SCUBE2: variants seen among roughly 807,000 people sequenced by gnomAD.
SCUBE2 encodes signal peptide, CUB domain and EGF like domain containing 2.
A neutral mutation model predicts 125.9 loss-of-function variants in SCUBE2; 114 were observed. The ratio of observed to expected loss-of-function variants is 0.91; its 90% CI spans 0.78 to 1.06. The LOEUF (loss-of-function observed/expected upper bound fraction) is 1.06. Ranked by LOEUF, SCUBE2 falls within the 50% of genes least tolerant of loss-of-function variation. SCUBE2 has a pLI of 0.00. For missense variants in SCUBE2, 1,255 were observed against 1,301.8 expected (o/e 0.96, Z 0.55); for synonymous variants, 459 against 492.9 (o/e 0.93, Z 0.91).
At chr11:9,060,205 A>G (rs898468446) in intron 8 of SCUBE2, among the ~76,000 whole-genome samples, 2 of 152,236 alleles carry the variant, frequency 1.3e-5, no homozygotes, top group African/African-American at 4.8e-5. Flanking sequence ...AATTAGTGTA[A>G]TTAAGTGTTG....
At chr11:9,050,562 C>T (rs1858247364) in intron 14 of SCUBE2, 44 bp downstream of exon 14, 1 of 1,505,158 alleles carries the variant, frequency 6.6e-7, no homozygotes, top group Non-Finnish European at 9.2e-7. Flanking sequence ...AGGCCCCTTC[C>T]CACATGCAGG....
chr11:9,053,052 C>A (rs1371624824), intron 12 of SCUBE2, 47 bp downstream of exon 12: 20 of 1,489,308 alleles, frequency 1.3e-5, no homozygotes. Flanking sequence ...GCCAGAGAGG[C>A]CTGGCCCCAG....
rs35366074 is a variant in SCUBE2, at chr11:9,084,529, GA to G, written c.257-5021del. On this transcript the variant is annotated intron_variant, in intron 2 of 22. Transcript: ENST00000649792. ...TAAGAAATGTATCTATTGCAAAGGG[GA>G]AAAAAAAATATATAGTAATTTTGTA... Among the ~76,000 whole-genome samples, 1,124 of 150,868 alleles carry G rather than the reference GA, an allele frequency of 7.5e-3. 19 individuals are homozygous for G. The highest frequency in any genetic ancestry group is 0.025 in the African/African-American group (1,037 of 41,114).
At chr11:9,062,351 AC>A (rs1417518544) in intron 7 of SCUBE2, among the ~76,000 whole-genome samples, 4 of 152,210 alleles carry the variant, frequency 2.6e-5, no homozygotes, top group Admixed American at 1.3e-4. Context: ...GGCTAAATTG[AC>A]CTGCCCAAGC....
At chr11:9,041,750 A>G (rs1857266022) in intron 16 of SCUBE2, among the ~76,000 whole-genome samples, 1 of 152,192 alleles carries the variant, frequency 6.6e-6, no homozygotes. Context: ...TTCTACACAG[A>G]ATGGGGGACA....
chr11:9,040,851 A>G (rs1295126548), intron 16 of SCUBE2, among the ~76,000 whole-genome samples: 1 of 152,210 alleles, frequency 6.6e-6, no homozygotes, highest in African/African-American at 2.4e-5. Flanking sequence ...CAAATTGTTT[A>G]TTTCTGGAAT....
At chr11:9,021,812 T>G in intron 22 of SCUBE2, 64 bp downstream of exon 22, 1 of 1,261,680 alleles carries the variant, frequency 7.9e-7, no homozygotes, top group Non-Finnish European at 1.2e-6. Flanking sequence ...AGGAGAAGCC[T>G]TCTCCAACAG....
Position 9,085,379 on chromosome 11 carries a change from T to C in SCUBE2, c.256+4328A>G, listed in dbSNP as rs534968071. ...ATATACACAGATGAACTCTGCACTATTTTTGCAACTTTTCTGAAATTTAAA... is the reference window on the plus strand; with the variant it reads ...ATATACACAGATGAACTCTGCACTACTTTTGCAACTTTTCTGAAATTTAAA... On this transcript the variant is annotated intron_variant, in intron 2 of 22. Transcript: ENST00000649792. Among the ~76,000 whole-genome samples, 350 of 152,330 alleles carry C rather than the reference T, an allele frequency of 2.3e-3. 1 individual carries two copies. Among genetic ancestry groups the C allele is most frequent in the African/African-American group, 8.0e-3 (331 of 41,574 alleles).
At chr11:9,053,816 G>A (rs758908733) in intron 10 of SCUBE2, 57 bp from the exon 11 acceptor site, 51 of 1,582,540 alleles carry the variant, frequency 3.2e-5, no homozygotes, top group Non-Finnish European at 4.3e-5. Flanking sequence ...GGCTGACATG[G>A]TCCCTCCCTT....
chr11:9,084,409 T>TA (rs1861895413), intron 2 of SCUBE2, among the ~76,000 whole-genome samples: 2 of 152,302 alleles, frequency 1.3e-5, no homozygotes, highest in African/African-American at 4.8e-5. Flanking sequence ...CACATCACAG[T>TA]AATAACTATT....
At chr11:9,066,046 C>A (rs1404339927) in intron 6 of SCUBE2, 66 bp from the exon 7 acceptor site, 2 of 1,065,506 alleles carry the variant, frequency 1.9e-6, no homozygotes, top group Non-Finnish European at 2.9e-6. Context: ...CCCCATACAA[C>A]TGTGTTTGCT....
At chr11:9,050,054 T>G (rs1216029823) in intron 14 of SCUBE2, 1 of 152,250 alleles carries the variant, frequency 6.6e-6, no homozygotes, top group Non-Finnish European at 1.5e-5. Context: ...ATACTGGAAA[T>G]GTGTGCTGGG....
At chr11:9,081,503 T>C (rs1418008313) in intron 2 of SCUBE2, among the ~76,000 whole-genome samples, 3 of 152,266 alleles carry the variant, frequency 2.0e-5, no homozygotes, top group East Asian at 1.9e-4. Context: ...GATTCCACCA[T>C]GTTGTAGCAT....
chr11:9,086,852 CAAAAA>C (rs56266805), intron 2 of SCUBE2, among the ~76,000 whole-genome samples: 19 of 109,946 alleles, frequency 1.7e-4, no homozygotes, highest in Non-Finnish European at 1.3e-4. Flanking sequence ...GACTCTATCT[CAAAAA>C]AAAAAAAAAA....
chr11:9,056,393 A>G (rs556695476), intron 9 of SCUBE2, among the ~76,000 whole-genome samples: 2 of 152,310 alleles, frequency 1.3e-5, no homozygotes, highest in South Asian at 4.1e-4. Flanking sequence ...ATTTTCTCAG[A>G]ATTAGTCTTC....
intron 4 of SCUBE2, among the ~76,000 whole-genome samples, chr11:9,071,339 G>A (rs1487267350): frequency 6.6e-6 from 1 of 152,198 alleles, no homozygotes. Context: ...AAGAATGCCT[G>A]TATGCCAGAT....
At chr11:9,051,615 C>T (rs930913440) in intron 13 of SCUBE2, among the ~76,000 whole-genome samples, 1 of 152,240 alleles carries the variant, frequency 6.6e-6, no homozygotes, top group South Asian at 2.1e-4. Flanking sequence ...CAATGCCCTA[C>T]AGCTCTTTTA....
intron 2 of SCUBE2, among the ~76,000 whole-genome samples, chr11:9,085,752 G>A (rs903415733): frequency 9.3e-5 from 14 of 151,176 alleles, no homozygotes; most frequent in African/African-American, 3.4e-4. Flanking sequence ...AAAAAGAAAA[G>A]AAAAGAAAAA....
chr11:9,080,921 A>G (rs1397963147), intron 2 of SCUBE2, among the ~76,000 whole-genome samples: 1 of 152,214 alleles, frequency 6.6e-6, no homozygotes, highest in Non-Finnish European at 1.5e-5. Context: ...TAATTTTAAA[A>G]TGGGCGAAAT....
Sources: gnomAD v4.1 joint callset for allele counts (sites outside exome capture counted in the v4.1 genomes callset) on GRCh38, gnomAD v4.1.1 for gene constraint, MANE v1.5 for transcripts, NCBI Gene and HGNC (gene_info 2026-07-23, HGNC 2026-07-21) for gene names.